The following FASN variants were observed in gnomAD, a reference collection of about 807,000 sequenced individuals.
The protein encoded by FASN is 3-hydroxyacyl-[acyl-carrier-protein] dehydratase.
Under a neutral mutation model 250.0 loss-of-function variants are expected in FASN, and 50 were observed. The ratio of observed to expected loss-of-function variants is 0.20; its 90% CI spans 0.16 to 0.25. The LOEUF is 0.25. Among genes scored for constraint, FASN ranks in the 10% least tolerant of loss-of-function variants. The probability of loss-of-function intolerance (pLI) is 1.00; values close to 1 mark genes in which losing one functional copy is unlikely to be tolerated. For synonymous variants in FASN, 1,909 were observed against 1,584.0 expected (o/e 1.21, Z -4.87); for missense variants, 3,031 against 3,498.5 (o/e 0.87, Z 3.37).
Position 82,088,418 on chromosome 17 carries a change from A to C in FASN, c.2565T>G (p.Gly855=). 1 of 1,612,068 alleles carries C rather than the reference A, an allele frequency of 6.2e-7. No homozygotes were observed. The highest frequency in any genetic ancestry group is 8.5e-7 in the Non-Finnish European group (1 of 1,179,520). ...PAAEDFPNGS[G]SPSAAIYNID... The stretch of plus-strand genomic sequence containing the variant: ...TGTTGTAGATGGCGGCTGAGGGGGA[A>C]CCTGAACCGTTGGGGAAGTCCTCGG... The change falls in exon 16 of 43, where the codon GGT becomes GGG. Residue 855 remains glycine (G), a synonymous_variant. Transcript: ENST00000306749.
rs753896526 is a variant in FASN, at chr17:82,093,739, T to C, written c.313A>G (p.Thr105Ala). Reference protein sequence around the residue: ...INPDSLRGTHTGVWVGVSGSE... With the variant: ...INPDSLRGTHAGVWVGVSGSE... ...CCGCTCACGCCCACCCAGACGCCAGTGTGTGTTCCTCGGAGTGAATCTGGG... is the reference window on the plus strand; with the variant it reads ...CCGCTCACGCCCACCCAGACGCCAGCGTGTGTTCCTCGGAGTGAATCTGGG... The change falls in exon 4 of 43, where the codon ACT (threonine) becomes GCT (alanine). Residue 105 changes from threonine to alanine, a missense_variant. Coordinates refer to ENST00000306749, the MANE Select transcript of FASN (RefSeq NM_004104.5). 1.2e-6 allele frequency: 2 copies of C among 1,612,060 alleles called. No homozygotes were observed. Among genetic ancestry groups the C allele is most frequent in the Non-Finnish European group, 1.7e-6 (2 of 1,179,760 alleles).
At position 82,091,397 on chromosome 17, in the gene FASN, C is replaced by T. The variant is rs1379607500; in HGVS notation, c.1317G>A (p.Glu439=). The change falls in exon 9 of 43, where the codon GAG becomes GAA. Residue 439 remains glutamate (E), a synonymous_variant. Coordinates refer to ENST00000306749, the MANE Select transcript of FASN (RefSeq NM_004104.5). ...RTPEAVQKLL[E]QGLRHSQDLA... ...GGTCCTGGCTGTGCCGGAGGCCCTG[C>T]TCCAGCAGCTTCTGCACGGCCTCAG... 8 of 1,610,540 alleles carry T rather than the reference C, an allele frequency of 5.0e-6. No individual in the cohort carries two copies. Among genetic ancestry groups the T allele is most frequent in the African/African-American group, 1.3e-5 (1 of 74,884 alleles).
Position 82,091,068 on chromosome 17 carries a change from C to T in FASN, c.1494G>A (p.Gly498=). ...GERPLWFICS[G]MGTQWRGMGL... is the part of the protein sequence containing the mutation. Reference sequence around the variant, plus strand: ...CCATCCCGCGCCACTGTGTGCCCATCCCTGTCCCAGAGAGCACGTCACGAG... The same window carrying T: ...CCATCCCGCGCCACTGTGTGCCCATTCCTGTCCCAGAGAGCACGTCACGAG... Residue 498 remains glycine (G), a splice_region_variant and synonymous_variant, in exon 10 of 43, where the codon GGG becomes GGA. Coordinates refer to ENST00000306749, the MANE Select transcript of FASN (RefSeq NM_004104.5). 6.2e-7 allele frequency: 1 copy of T among 1,611,022 alleles called. No individual in the cohort carries two copies. Among genetic ancestry groups the T allele is most frequent in the Non-Finnish European group, 8.5e-7 (1 of 1,179,818 alleles).
chr17:82,083,925 G>A, intron 29 of FASN, 34 bp from the exon 30 acceptor site: 1 of 1,550,800 alleles, frequency 6.4e-7, no homozygotes, highest in Non-Finnish European at 8.7e-7. Flanking sequence ...TGGTGAGCCA[G>A]GGCGGCGGGG....
chr17:82,086,160 G>A (rs2034093760), intron 22 of FASN, 94 bp downstream of exon 22: 1 of 1,528,366 alleles, frequency 6.5e-7, no homozygotes, highest in Non-Finnish European at 8.7e-7. Context: ...ACCGCCCAGG[G>A]CCCGCCCCGT....
chr17:82,079,465 A>G lies in FASN; in HGVS notation c.7290T>C (p.Ala2430=). The G allele has an allele frequency of 6.2e-7, 1 of 1,612,968 alleles. No homozygotes were observed. Among genetic ancestry groups the G allele is most frequent in the Non-Finnish European group, 8.5e-7 (1 of 1,179,992 alleles). The change falls in exon 42 of 43, where the codon GCT becomes GCC. Residue 2430 remains alanine, a synonymous_variant. Coordinates refer to ENST00000306749, the MANE Select transcript of FASN (RefSeq NM_004104.5). ...ACTTGGCCTTGGGTGTGTACTGCTC[A>G]GCGGCACGCAGCTTGTAGTAGAAGG... ...ARSFYYKLRA[A]EQYTPKAKYH...
rs2033934966 is a variant in FASN at position 82,078,775 on chromosome 17, G to A, written c.*368C>T. 1.1e-5 allele frequency: 4 copies of A among 355,972 alleles called. No individual in the cohort carries two copies. The highest frequency in any genetic ancestry group is 2.2e-5 in the Non-Finnish European group (4 of 185,392). The allele number at this position is 355,972 out of a possible 1,614,324, so 22.1% of individuals were successfully genotyped here. A position where few individuals can be genotyped will look rare whatever the true frequency, so the allele number is the denominator to read the frequency against. On this transcript the variant is annotated 3_prime_UTR_variant, in exon 43 of 43. Transcript: ENST00000306749. This position sits in a 1 kb window ranked among gnomAD's most constrained non-coding sequence, Gnocchi z 5.4. The stretch of plus-strand genomic sequence containing the variant: ...CCCACACGCTGCCTGAGGAGTCTTG[G>A]CAGGGTGGACAGGCCTGGGGGTCTC...
intron 1 of FASN, chr17:82,097,143 A>C: frequency 6.3e-6 from 1 of 159,762 alleles, no homozygotes; most frequent in Non-Finnish European, 1.4e-5. Context: ...AGCCAGTCCA[A>C]CCCCTCCAGC....
chr17:82,082,200 C>T (rs2144782992), intron 35 of FASN, 40 bp from the exon 36 acceptor site: 1 of 1,601,004 alleles, frequency 6.2e-7, no homozygotes, highest in East Asian at 2.2e-5. Flanking sequence ...CCAGCATCCC[C>T]AGGAGCCCCC....
At position 82,098,109 on chromosome 17, in the gene FASN, G is replaced by A. The variant is rs1001378134; in HGVS notation, c.-8+12C>T. 3.0e-6 allele frequency: 1 copy of A among 337,362 alleles called. No individual in the cohort carries two copies. The highest frequency in any genetic ancestry group is 5.4e-6 in the Non-Finnish European group (1 of 186,072). The allele number at this position is 337,362 out of a possible 1,614,324, so 20.9% of individuals were successfully genotyped here. A position where few individuals can be genotyped will look rare whatever the true frequency, so the allele number is the denominator to read the frequency against. ...CGACCCGCGCCCCGGCCCCAGCGCC[G>A]GCTGCTCGTACCTGGTGAGGGCGCG... On this transcript the variant is annotated intron_variant, in intron 1 of 42. Transcript: ENST00000306749.
chr17:82,090,192 G>A (rs1282917843), intron 11 of FASN, among the ~76,000 whole-genome samples, 183 bp downstream of exon 11: 3 of 152,232 alleles, frequency 2.0e-5, no homozygotes, highest in African/African-American at 2.4e-5. Context: ...AAGGCTGCCA[G>A]GTGTGGGGCC....
chr17:82,095,646 G>T (rs1185229973), intron 2 of FASN, among the ~76,000 whole-genome samples, 174 bp from the exon 3 acceptor site: 2 of 152,216 alleles, frequency 1.3e-5, no homozygotes, highest in Non-Finnish European at 2.9e-5. Flanking sequence ...TGGCCCCAAA[G>T]CGGGGACTGG....
At position 82,084,841 on chromosome 17, in the gene FASN, C is replaced by T. The variant is rs375080347; in HGVS notation, c.4522G>A (p.Asp1508Asn). ...TGGCGGAAAGCCCCCCAGGCCCCGT[C>T]GCGGTAGACGTTCATCACCAGGTCT... Reference protein sequence around the residue: ...QGDLVMNVYRDGAWGAFRHFL... With the variant: ...QGDLVMNVYRNGAWGAFRHFL... The change falls in exon 26 of 43, where the codon GAC (aspartate) becomes AAC (asparagine). Residue 1508 changes from aspartate to asparagine, a missense_variant. Physicochemically the swap from Asp to Asn is conservative, Grantham distance 23. Transcript: ENST00000306749. 24 of 1,550,292 alleles carry T rather than the reference C, an allele frequency of 1.5e-5. No individual in the cohort carries two copies. Among genetic ancestry groups the T allele is most frequent in the African/African-American group, 8.2e-5 (6 of 73,048 alleles).
chr17:82,079,298 A>G lies in FASN; in HGVS notation c.7399-18T>C. On this transcript the variant is annotated intron_variant, in intron 42 of 42. Coordinates refer to ENST00000306749, the MANE Select transcript of FASN (RefSeq NM_004104.5). ...TCGCATACCTGCAGGGGATGCGATC[A>G]GCTGCCGTCCCACCCCACTCCTGTC... 1 of 1,613,018 alleles carries G rather than the reference A, an allele frequency of 6.2e-7. No individual in the cohort carries two copies.
At position 82,083,015 on chromosome 17, in the gene FASN, A is replaced by T; in HGVS notation, c.5666T>A (p.Ile1889Asn). ...TFCPAHKSYI[I>N]AGGLGGFGLE... ...GCCGAAGCCACCCAGACCACCAGCG[A>T]TGATGTAGCTCTTGTGGGCCGGGCA... The change falls in exon 33 of 43, where the codon ATC (isoleucine) becomes AAC (asparagine). Residue 1889 changes from isoleucine (I) to asparagine (N), a missense_variant. Transcript: ENST00000306749. 1 of 1,612,900 alleles carries T rather than the reference A, an allele frequency of 6.2e-7. No homozygotes were observed. The highest frequency in any genetic ancestry group is 8.5e-7 in the Non-Finnish European group (1 of 1,179,980).
In FASN at chr17:82,084,704, T is replaced by C. The variant is rs989826120; in HGVS notation, c.4577A>G (p.Glu1526Gly). ...HFLLEEDKPE[E>G]PTAHAFVSTL... ...GCTCACAAAGGCATGTGCCGTCGGCTCCTCAGGCTTGTCTAGGGAAACAGG... is the reference window on the plus strand; with the variant it reads ...GCTCACAAAGGCATGTGCCGTCGGCCCCTCAGGCTTGTCTAGGGAAACAGG... Residue 1526 changes from glutamate (E) to glycine (G), a missense_variant, in exon 27 of 43, where the codon GAG becomes GGG. Physicochemically the swap from Glu to Gly is moderately conservative, Grantham distance 98. Transcript: ENST00000306749. 1 of 1,563,838 alleles carries C rather than the reference T, an allele frequency of 6.4e-7. No individual in the cohort carries two copies. Among genetic ancestry groups the C allele is most frequent in the Non-Finnish European group, 8.7e-7 (1 of 1,154,444 alleles).
In FASN at chr17:82,091,219, C is replaced by T. The variant is rs2034199914; in HGVS notation, c.1492+3G>A. ...CCACCTTGGGGGCAGAGTGTGGGCT[C>T]ACCAGAGCAGATGAACCAGAGCGGG... On this transcript the variant is annotated splice_donor_region_variant and intron_variant, in intron 9 of 42. Coordinates refer to ENST00000306749, the MANE Select transcript of FASN (RefSeq NM_004104.5). 7 of 1,601,066 alleles carry T rather than the reference C, an allele frequency of 4.4e-6. No homozygotes were observed. In the East Asian group the frequency reaches 1.6e-4, roughly 36 times the overall value.
Position 82,087,775 on chromosome 17 carries a change from G to C in FASN, c.2953C>G (p.Leu985Val). ...PTPNPTEPLF[L>V]AQAEVYKELR... ...TCCTTGTAAACTTCAGCCTGGGCCA[G>C]GAAGAGGGGCTCCGTGGGGTTGGGG... The change falls in exon 19 of 43, where the codon CTG becomes GTG. Residue 985 changes from leucine to valine, a missense_variant. Leu to Val is a conservative substitution (Grantham distance 32, BLOSUM62 1). Coordinates refer to ENST00000306749, the MANE Select transcript of FASN (RefSeq NM_004104.5). The C allele has an allele frequency of 6.2e-7, 1 of 1,612,664 alleles. No homozygotes were observed. Among genetic ancestry groups the C allele is most frequent in the South Asian group, 1.1e-5 (1 of 91,080 alleles).
rs1639102593 is a variant in FASN, at chr17:82,093,113, T to G, written c.656-94A>C. ...CTGGGGTGTGGGGTGGGTGCTTGGG[T>G]GGGGGATCCCCGGAGCTGGCAGGAT... On this transcript the variant is annotated intron_variant, in intron 5 of 42. Transcript: ENST00000306749. The G allele has an allele frequency of 5.7e-6, 9 of 1,570,396 alleles. No homozygotes were observed. The Admixed American group carries it at 1.6e-4, about 29-fold the overall frequency.
Sources: gnomAD v4.1 joint callset for allele counts (sites outside exome capture counted in the v4.1 genomes callset) on GRCh38, gnomAD v4.1.1 for gene constraint, Gnocchi (gnomAD v3.1) non-coding constraint, MANE v1.5 for transcripts, NCBI Gene and HGNC (gene_info 2026-07-23, HGNC 2026-07-21) for gene names.